TBC1D22A: variants seen among roughly 807,000 people sequenced by gnomAD.
TBC1D22A encodes the protein putative GTPase activator.
Under a neutral mutation model 60.2 loss-of-function variants are expected in TBC1D22A, and 38 were observed. The ratio of observed to expected loss-of-function variants is 0.63; its 90% CI spans 0.49 to 0.83. The LOEUF (loss-of-function observed/expected upper bound fraction) is 0.83, where lower values mean the gene tolerates loss of function less well. Among genes scored for constraint, TBC1D22A ranks in the 40% least tolerant of loss-of-function variants. TBC1D22A has a pLI of 0.00. For synonymous variants in TBC1D22A, 302 were observed against 281.7 expected (o/e 1.07, Z -0.72); for missense variants, 628 against 701.0 (o/e 0.90, Z 1.18).
intron 4 of TBC1D22A, among the ~76,000 whole-genome samples, chr22:46,847,952 TGTGCGC>T (rs761949703): frequency 0.28 from 34,800 of 125,522 alleles, 4,027 homozygotes; most frequent in Admixed American, 0.3. Context: ...TGTGTGTGTG[TGTGCGC>T]GCGCGCACGC....
chr22:47,128,402 A>G (rs930882439), intron 12 of TBC1D22A, among the ~76,000 whole-genome samples: 2 of 118,192 alleles, frequency 1.7e-5, no homozygotes, highest in African/African-American at 6.8e-5. Flanking sequence ...TGGCTAGGGG[A>G]GGGAGGAGGA....
chr22:47,113,499 T>C (rs1424376256), intron 12 of TBC1D22A, among the ~76,000 whole-genome samples: 1 of 152,248 alleles, frequency 6.6e-6, no homozygotes, highest in East Asian at 1.9e-4. Context: ...CAACAGACCA[T>C]GTCTCATCGT....
At chr22:47,003,356 ATG>A (rs2061456420) in intron 10 of TBC1D22A, among the ~76,000 whole-genome samples, 1 of 151,824 alleles carries the variant, frequency 6.6e-6, no homozygotes. Flanking sequence ...CTTAAATGTA[ATG>A]TGTTATTTGA....
At chr22:47,124,725 A>G (rs770011913) in intron 12 of TBC1D22A, among the ~76,000 whole-genome samples, 16 of 151,964 alleles carry the variant, frequency 1.1e-4, no homozygotes, top group Non-Finnish European at 2.1e-4. Context: ...GGGGGCTTCT[A>G]TCCTGGAGGA....
At chr22:46,764,314 G>T (rs1160710837) in intron 1 of TBC1D22A, 1 of 152,272 alleles carries the variant, frequency 6.6e-6, no homozygotes, top group Non-Finnish European at 1.5e-5. Flanking sequence ...AATGGTGGTG[G>T]GTAGGAGGTC....
chr22:47,157,479 G>A (rs766320101), intron 12 of TBC1D22A, among the ~76,000 whole-genome samples: 36 of 152,236 alleles, frequency 2.4e-4, no homozygotes, highest in Non-Finnish European at 4.9e-4. Flanking sequence ...GGGGTCTGCT[G>A]TAGGTGTCCT....
intron 12 of TBC1D22A, among the ~76,000 whole-genome samples, chr22:47,123,313 G>A (rs1252940066): frequency 6.6e-6 from 1 of 152,164 alleles, no homozygotes; most frequent in South Asian, 2.1e-4. Context: ...TGTGCTTACT[G>A]GGGGTTTCAG....
intron 4 of TBC1D22A, among the ~76,000 whole-genome samples, chr22:46,867,856 A>G (rs929330589): frequency 5.3e-5 from 8 of 152,268 alleles, no homozygotes; most frequent in Non-Finnish European, 1.2e-4. Context: ...CAGAGGAAAC[A>G]TTTAAAAAAG....
intron 4 of TBC1D22A, among the ~76,000 whole-genome samples, chr22:46,834,593 C>T (rs2086441710): frequency 1.3e-5 from 2 of 152,208 alleles, no homozygotes; most frequent in African/African-American, 4.8e-5. Context: ...CCTTTCAGAA[C>T]ACTGAGTGGA....
At chr22:47,040,158 G>T (rs559613736) in intron 11 of TBC1D22A, among the ~76,000 whole-genome samples, 1 of 152,030 alleles carries the variant, frequency 6.6e-6, no homozygotes, top group South Asian at 2.1e-4. Flanking sequence ...TGTTAGCCAG[G>T]ATGGTCTCGA....
At chr22:47,000,773 C>T (rs11705644) in intron 10 of TBC1D22A, among the ~76,000 whole-genome samples, 154 of 151,432 alleles carry the variant, frequency 1.0e-3, no homozygotes, top group Non-Finnish European at 1.9e-3. Flanking sequence ...TAGATAATTT[C>T]AACCACATTT....
intron 9 of TBC1D22A, among the ~76,000 whole-genome samples, chr22:46,991,276 A>G (rs1020626456): frequency 2.6e-5 from 4 of 152,162 alleles, no homozygotes; most frequent in Non-Finnish European, 5.9e-5. Context: ...TTCTGAGAAC[A>G]TGCTGCCGAG....
chr22:46,820,669 T>A (rs949999306), intron 4 of TBC1D22A, among the ~76,000 whole-genome samples: 11 of 152,268 alleles, frequency 7.2e-5, no homozygotes, highest in African/African-American at 2.4e-4. Context: ...GATTTTAGAA[T>A]AAGCGCCATG....
rs532089394 is a variant in TBC1D22A, at chr22:47,046,816, A to T, written c.1329+9618A>T. Among the ~76,000 whole-genome samples the T allele has an allele frequency of 3.3e-5, 5 of 152,240 alleles. No homozygotes were observed. In the South Asian group the frequency reaches 1.0e-3, roughly 32 times the overall value. On this transcript the variant is annotated intron_variant, in intron 11 of 12. Transcript: ENST00000337137. Reference sequence around the variant, plus strand: ...GGACCCCTCTATCCCAGAGCCCTGGATCCCCCCAGATGCCAGACCAAGGCT... The same window carrying T: ...GGACCCCTCTATCCCAGAGCCCTGGTTCCCCCCAGATGCCAGACCAAGGCT...
chr22:47,072,718 G>A (rs768713644), intron 11 of TBC1D22A, among the ~76,000 whole-genome samples: 3 of 152,366 alleles, frequency 2.0e-5, no homozygotes, highest in East Asian at 1.9e-4. Context: ...ACCCCGATCC[G>A]ATTTACTTGG....
At chr22:47,030,223 GT>G (rs1442155608) in intron 10 of TBC1D22A, among the ~76,000 whole-genome samples, 3 of 152,344 alleles carry the variant, frequency 2.0e-5, no homozygotes, top group Middle Eastern at 3.4e-3. Flanking sequence ...ATTTGTGTCT[GT>G]TCTCGGCTTT....
At chr22:47,130,713 G>A (rs1378956565) in intron 12 of TBC1D22A, among the ~76,000 whole-genome samples, 1 of 152,176 alleles carries the variant, frequency 6.6e-6, no homozygotes, top group Non-Finnish European at 1.5e-5. Flanking sequence ...CCTGCGGTCT[G>A]CAAAACTCAA....
chr22:47,032,762 C>G (rs895269054), intron 10 of TBC1D22A, among the ~76,000 whole-genome samples: 1 of 152,242 alleles, frequency 6.6e-6, no homozygotes, highest in South Asian at 2.1e-4. Context: ...CTTATCTCCA[C>G]GGCAGAGCTT....
rs1002933399 is a variant in TBC1D22A, at chr22:46,777,272, A to G, written c.62+14424A>G. Among the ~76,000 whole-genome samples the G allele has an allele frequency of 6.6e-6, 1 of 152,152 alleles. No homozygotes were observed. The highest frequency in any genetic ancestry group is 6.5e-5 in the Admixed American group (1 of 15,270). On this transcript the variant is annotated intron_variant, in intron 1 of 12. Transcript: ENST00000337137. This position sits in a 1 kb window ranked among gnomAD's most constrained non-coding sequence, Gnocchi z 4.5. ...GCCAGGACATGGGCCAGTGAGAGCC[A>G]GGGGCCGCCAGAAGAGGGCTCGAGG...
Sources: gnomAD v4.1 joint callset for allele counts (sites outside exome capture counted in the v4.1 genomes callset) on GRCh38, gnomAD v4.1.1 for gene constraint, Gnocchi (gnomAD v3.1) non-coding constraint, MANE v1.5 for transcripts, NCBI Gene and HGNC (gene_info 2026-07-23, HGNC 2026-07-21) for gene names.